SLC7A2: variants seen among roughly 807,000 people sequenced by gnomAD.
SLC7A2 encodes the protein solute carrier family 7 member 2.
A neutral mutation model predicts 58.9 loss-of-function variants in SLC7A2; 48 were observed. The ratio of observed to expected loss-of-function variants is 0.82; its 90% confidence interval spans 0.65 to 1.04. The LOEUF (loss-of-function observed/expected upper bound fraction) is 1.04, where lower values mean the gene tolerates loss of function less well. Ranked by LOEUF, SLC7A2 falls within the 50% of genes least tolerant of loss-of-function variation. The pLI, the probability that SLC7A2 is intolerant of heterozygous loss-of-function variation, is 0.00. For missense variants in SLC7A2, 1,029 were observed against 818.8 expected, an observed-to-expected ratio of 1.26 and a Z score of -3.13; for synonymous variants, 363 against 314.5, an observed-to-expected ratio of 1.15 and a Z score of -1.63.
In SLC7A2 at chr8:17,544,459, A is replaced by G; in HGVS notation, c.385A>G (p.Ser129Gly). ...TGTTCTGTTTTGGGAAGGTACATCA[A>G]GTGTTGCAAGAGCCTGGAGTGGCAC... ...LILSYVIGTS[S>G]VARAWSGTFD... The change falls in exon 4 of 13, where the codon AGT becomes GGT. Residue 129 changes from serine (S) to glycine (G), a missense_variant. Ser to Gly is a moderately conservative substitution (Grantham distance 56). Transcript: ENST00000494857. The G allele has an allele frequency of 1.2e-6, 2 of 1,613,948 alleles. No individual in the cohort carries two copies. Among genetic ancestry groups the G allele is most frequent in the Non-Finnish European group, 1.7e-6 (2 of 1,179,940 alleles).
rs1803366136 is a variant in SLC7A2, at chr8:17,568,433, A to G, written c.*3287A>G. 6.6e-6 allele frequency: 1 copy of G among 152,142 alleles called. No homozygotes were observed. The highest frequency in any genetic ancestry group is 2.1e-4 in the South Asian group (1 of 4,826). The allele number at this position is 152,142 out of a possible 1,614,324, so 9.4% of individuals were successfully genotyped here. Reference sequence around the variant, plus strand: ...ATAAACATTGAGAGAACGAAAGCCAAAGTGTCATTTAAGAGAGATATATAT... The same window carrying G: ...ATAAACATTGAGAGAACGAAAGCCAGAGTGTCATTTAAGAGAGATATATAT... On this transcript the variant is annotated 3_prime_UTR_variant, in exon 13 of 13. Coordinates refer to ENST00000494857, the MANE Select transcript of SLC7A2 (RefSeq NM_001370338.1).
rs764939288 is a variant in SLC7A2 at position 17,554,556 on chromosome 8, T to A, written c.1056-4T>A. On this transcript the variant is annotated splice_region_variant and splice_polypyrimidine_tract_variant and intron_variant, in intron 7 of 12. Transcript: ENST00000494857. ...CATACTGCATGTGTTTGCTTTTTAT[T>A]CAGTCTTCTTGGATCCATTTTCCCA... 8 of 1,584,286 alleles carry A rather than the reference T, an allele frequency of 5.0e-6. No homozygotes were observed. The highest frequency in any genetic ancestry group is 6.0e-6 in the Non-Finnish European group (7 of 1,170,214).
At chr8:17,513,414 A>C (rs1800682886) in intron 2 of SLC7A2, among the ~76,000 whole-genome samples, 1 of 152,132 alleles carries the variant, frequency 6.6e-6, no homozygotes, top group South Asian at 2.1e-4. Flanking sequence ...TGAAACAAAA[A>C]CCAGAATCAT....
chr8:17,544,207 C>A (rs1399801498), intron 3 of SLC7A2, among the ~76,000 whole-genome samples: 4 of 152,276 alleles, frequency 2.6e-5, no homozygotes, highest in African/African-American at 9.6e-5. Context: ...TCTGACTATG[C>A]CTTTTAGTGG....
intron 1 of SLC7A2, among the ~76,000 whole-genome samples, chr8:17,497,628 C>T (rs1800005620): frequency 6.6e-6 from 1 of 152,216 alleles, no homozygotes; most frequent in Non-Finnish European, 1.5e-5. Context: ...GCTCGGCGCA[C>T]CCCTCTCCGG....
At chr8:17,496,567 G>C (rs1240038567), upstream of SLC7A2, among the ~76,000 whole-genome samples, 5 of 152,064 alleles carry the variant, frequency 3.3e-5, no homozygotes. Flanking sequence ...TCGTGACTAC[G>C]TATTCATACC....
intron 3 of SLC7A2, among the ~76,000 whole-genome samples, chr8:17,543,927 G>A (rs1802041093): frequency 1.3e-5 from 2 of 152,106 alleles, no homozygotes; most frequent in South Asian, 4.1e-4. Context: ...GAAGTGCAGT[G>A]GCGTGATCTC....
chr8:17,533,072 G>T (rs192487421), intron 2 of SLC7A2, among the ~76,000 whole-genome samples: 1 of 152,212 alleles, frequency 6.6e-6, no homozygotes, highest in East Asian at 1.9e-4. Context: ...GTTCTAGATA[G>T]AAATTTTAGA....
chr8:17,559,486 A>T (rs1323569334), intron 9 of SLC7A2, among the ~76,000 whole-genome samples: 1 of 152,180 alleles, frequency 6.6e-6, no homozygotes, highest in Non-Finnish European at 1.5e-5. Context: ...GAATCACTTG[A>T]ACCCAGGAGG....
chr8:17,510,188 C>A (rs1314532812), intron 2 of SLC7A2, among the ~76,000 whole-genome samples: 1 of 151,834 alleles, frequency 6.6e-6, no homozygotes, highest in Non-Finnish European at 1.5e-5. Flanking sequence ...CCGCTGCACT[C>A]CAGCCTGGGT....
intron 7 of SLC7A2, 128 bp from the exon 8 acceptor site, chr8:17,554,432 T>C: frequency 1.5e-6 from 1 of 684,674 alleles, no homozygotes; most frequent in Admixed American, 3.6e-5. Context: ...ACATAATTAT[T>C]AATATAAATA....
chr8:17,507,847 T>A (rs1364432472), intron 2 of SLC7A2, among the ~76,000 whole-genome samples: 1 of 151,908 alleles, frequency 6.6e-6, no homozygotes, highest in Non-Finnish European at 1.5e-5. Context: ...ACAGGAAGAG[T>A]GGAAAAGGAA....
chr8:17,542,310 A>G (rs1030788262), intron 2 of SLC7A2, among the ~76,000 whole-genome samples: 4 of 152,178 alleles, frequency 2.6e-5, no homozygotes, highest in African/African-American at 9.7e-5. Context: ...TATGTAAGAG[A>G]TCATTCTACA....
intron 2 of SLC7A2, among the ~76,000 whole-genome samples, chr8:17,520,128 A>T (rs1800955968): frequency 6.6e-6 from 1 of 152,224 alleles, no homozygotes; most frequent in Admixed American, 6.5e-5. Flanking sequence ...TCAATAAGTG[A>T]TAAAAGCATC....
chr8:17,494,914 G>A (rs994488498), upstream of SLC7A2, among the ~76,000 whole-genome samples: 6 of 152,198 alleles, frequency 3.9e-5, no homozygotes, highest in Non-Finnish European at 5.9e-5. Context: ...AACACAGCAC[G>A]TTCTTGCTTC....
intron 2 of SLC7A2, among the ~76,000 whole-genome samples, chr8:17,507,016 C>G (rs1026431543): frequency 6.7e-6 from 1 of 149,614 alleles, no homozygotes; most frequent in African/African-American, 2.5e-5. Flanking sequence ...GCAATCTTGG[C>G]TCACTGCAAC....
chr8:17,542,340 C>T (rs1801947972), intron 2 of SLC7A2, among the ~76,000 whole-genome samples: 2 of 152,104 alleles, frequency 1.3e-5, no homozygotes, highest in African/African-American at 2.4e-5. Context: ...AGCACAATTC[C>T]TGGTATTTAG....
chr8:17,564,927 T>A, intron 12 of SLC7A2, 23 bp from the exon 13 acceptor site: 1 of 1,496,906 alleles, frequency 6.7e-7, no homozygotes, highest in Non-Finnish European at 8.9e-7. Context: ...AAACATTGAT[T>A]TTTTTTTTTC....
chr8:17,507,651 A>G (rs962969783), intron 2 of SLC7A2, among the ~76,000 whole-genome samples: 4 of 152,220 alleles, frequency 2.6e-5, no homozygotes, highest in Non-Finnish European at 5.9e-5. Context: ...TCTGTGTCCT[A>G]TAAATATGTA....
Sources: gnomAD v4.1 joint callset for allele counts (sites outside exome capture counted in the v4.1 genomes callset) on GRCh38, gnomAD v4.1.1 for gene constraint, MANE v1.5 for transcripts, NCBI Gene and HGNC (gene_info 2026-07-23, HGNC 2026-07-21) for gene names.